PLXDC2: variants seen among roughly 807,000 people sequenced by gnomAD.
PLXDC2 encodes the protein plexin domain containing 2, also known as plexin domain-containing protein 2.
A neutral mutation model predicts 68.9 loss-of-function variants in PLXDC2; 40 were observed. The ratio of observed to expected loss-of-function variants is 0.58; its 90% CI spans 0.45 to 0.76. The LOEUF (loss-of-function observed/expected upper bound fraction) is 0.76, where lower values mean the gene tolerates loss of function less well. PLXDC2 is among the 30% of genes least tolerant of loss of function. The pLI, the probability that PLXDC2 is intolerant of heterozygous loss-of-function variation, is 0.00. For missense variants in PLXDC2, 644 were observed against 661.9 expected (o/e 0.97, Z 0.30); for synonymous variants, 243 against 234.2 (o/e 1.04, Z -0.34).
At position 20,211,746 on chromosome 10, in the gene PLXDC2, G is replaced by T; in HGVS notation, c.1122+17G>T. 5 of 1,611,234 alleles carry T rather than the reference G, an allele frequency of 3.1e-6. No homozygotes were observed. The highest frequency in any genetic ancestry group is 4.2e-6 in the Non-Finnish European group (5 of 1,177,920). On this transcript the variant is annotated intron_variant, in intron 10 of 13. Coordinates refer to ENST00000377252, the MANE Select transcript of PLXDC2 (RefSeq NM_032812.9). Reference sequence around the variant, plus strand: ...CCTGAAGAGGTACACATGCTTTATTGTGACAGAATCCTGGGACCAAGCTGT... The same window carrying T: ...CCTGAAGAGGTACACATGCTTTATTTTGACAGAATCCTGGGACCAAGCTGT...
intron 2 of PLXDC2, among the ~76,000 whole-genome samples, chr10:20,032,353 G>A (rs1835513137): frequency 6.6e-6 from 1 of 152,194 alleles, no homozygotes; most frequent in Admixed American, 6.5e-5. Context: ...TGAAGTTGGA[G>A]AGATGGTTGT....
chr10:20,133,479 T>G (rs1188777439), intron 4 of PLXDC2, among the ~76,000 whole-genome samples: 1 of 152,166 alleles, frequency 6.6e-6, no homozygotes, highest in African/African-American at 2.4e-5. Context: ...GTTATAGTAT[T>G]CTTGGTCATT....
At chr10:20,193,072 G>A (rs1447523965) in intron 9 of PLXDC2, among the ~76,000 whole-genome samples, 20 of 151,904 alleles carry the variant, frequency 1.3e-4, no homozygotes, top group Admixed American at 1.2e-3. Flanking sequence ...AATTATTCTG[G>A]TATTCCTGGA....
chr10:19,867,197 C>A (rs1468380885), intron 1 of PLXDC2, among the ~76,000 whole-genome samples: 1 of 150,788 alleles, frequency 6.6e-6, no homozygotes. Flanking sequence ...TCTTGAGTAT[C>A]TGGGATTATA....
intron 1 of PLXDC2, among the ~76,000 whole-genome samples, chr10:19,902,560 C>T (rs1412915776): frequency 6.6e-6 from 1 of 152,034 alleles, no homozygotes; most frequent in Non-Finnish European, 1.5e-5. Context: ...AATTCGTTTA[C>T]CAGTTCTAGG....
chr10:20,065,845 T>C (rs571254262), intron 3 of PLXDC2, among the ~76,000 whole-genome samples: 1 of 152,324 alleles, frequency 6.6e-6, no homozygotes, highest in East Asian at 1.9e-4. Flanking sequence ...GGAGTGGCTG[T>C]AAATACTGAC....
chr10:19,984,752 T>G (rs1589569953), intron 1 of PLXDC2, among the ~76,000 whole-genome samples: 1 of 152,106 alleles, frequency 6.6e-6, no homozygotes, highest in Non-Finnish European at 1.5e-5. Flanking sequence ...AGTTCTCTGA[T>G]CTAGCTGCCT....
chr10:20,051,354 A>G (rs116377434), intron 3 of PLXDC2, among the ~76,000 whole-genome samples: 202 of 149,268 alleles, frequency 1.4e-3, no homozygotes, highest in African/African-American at 4.8e-3. Context: ...CTCCTGTGTA[A>G]CAAACTTTCA....
chr10:19,898,312 G>A (rs1838097915), intron 1 of PLXDC2, among the ~76,000 whole-genome samples: 1 of 152,168 alleles, frequency 6.6e-6, no homozygotes, highest in Admixed American at 6.5e-5. Flanking sequence ...GTTTAAACTT[G>A]ACATCAAGGA....
chr10:19,923,001 A>G (rs955609713), intron 1 of PLXDC2, among the ~76,000 whole-genome samples: 6 of 152,110 alleles, frequency 3.9e-5, no homozygotes, highest in Non-Finnish European at 5.9e-5. Flanking sequence ...TGATCTATCT[A>G]TCTCTTTATA....
intron 1 of PLXDC2, among the ~76,000 whole-genome samples, chr10:19,973,360 A>G (rs1271820538): frequency 1.2e-5 from 1 of 83,118 alleles, no homozygotes; most frequent in Non-Finnish European, 2.6e-5. Context: ...ACTCACATAT[A>G]TATGTATACA....
intron 1 of PLXDC2, among the ~76,000 whole-genome samples, chr10:19,882,949 T>C (rs1378129476): frequency 6.9e-6 from 1 of 144,788 alleles, no homozygotes; most frequent in Non-Finnish European, 1.5e-5. Flanking sequence ...TTTTTTTTTT[T>C]TTCCTTTCTT....
At chr10:20,105,105 G>T (rs1833474431) in intron 4 of PLXDC2, among the ~76,000 whole-genome samples, 1 of 151,610 alleles carries the variant, frequency 6.6e-6, no homozygotes, top group African/African-American at 2.4e-5. Context: ...TGGACTCTGG[G>T]GAGCACCACC....
intron 3 of PLXDC2, among the ~76,000 whole-genome samples, chr10:20,051,885 C>T (rs1214399148): frequency 6.6e-6 from 1 of 151,944 alleles, no homozygotes; most frequent in African/African-American, 2.4e-5. Context: ...GTCTCTGTCA[C>T]AACTACTTGA....
At chr10:20,262,972 T>G (rs1835828017) in intron 13 of PLXDC2, among the ~76,000 whole-genome samples, 5 of 152,194 alleles carry the variant, frequency 3.3e-5, no homozygotes, top group Admixed American at 2.0e-4. Flanking sequence ...GCTACTGCCT[T>G]TGCAGTGGAA....
chr10:20,090,340 C>T (rs1253607106), intron 4 of PLXDC2, among the ~76,000 whole-genome samples: 1 of 152,102 alleles, frequency 6.6e-6, no homozygotes, highest in African/African-American at 2.4e-5. Context: ...TCACCAGCAA[C>T]ATCTGAAATG....
At chr10:20,243,870 C>G (rs1464750717) in intron 12 of PLXDC2, among the ~76,000 whole-genome samples, 1 of 152,070 alleles carries the variant, frequency 6.6e-6, no homozygotes, top group African/African-American at 2.4e-5. Flanking sequence ...ACCAGACTGG[C>G]CAACATGGTT....
chr10:20,002,943 G>C lies in PLXDC2; in HGVS notation c.324+957G>C, dbSNP rs138517267. Among the ~76,000 whole-genome samples, 122 of 152,268 alleles carry C rather than the reference G, an allele frequency of 8.0e-4. 1 individual carries two copies. Among genetic ancestry groups the C allele is most frequent in the Admixed American group, 2.4e-3 (37 of 15,298 alleles). ...GGCTTCCAGTGTTAAATATGGAACA[G>C]TTCTGGACAAACTGGGATGATTGGT... On this transcript the variant is annotated intron_variant, in intron 2 of 13. Transcript: ENST00000377252.
chr10:20,126,814 T>TTATATATGTATATAG lies in PLXDC2; in HGVS notation c.542-16481_542-16480insTATATATGTATATAG, dbSNP rs1564325370. Among the ~76,000 whole-genome samples the TTATATATGTATATAG allele has an allele frequency of 5.2e-3, 150 of 28,796 alleles. 27 individuals are homozygous for TTATATATGTATATAG. The highest frequency in any genetic ancestry group is 9.4e-3 in the Admixed American group (25 of 2,646). The allele number at this position is 28,796 out of a possible 152,430, so 18.9% of individuals were successfully genotyped here. A position where few individuals can be genotyped will look rare whatever the true frequency, so the allele number is the denominator to read the frequency against. ...AGAACACACGTTATATATGTATATA[T>TTATATATGTATATAG]AACATATATGTGTATATATAATATA... On this transcript the variant is annotated intron_variant, in intron 4 of 13. Transcript: ENST00000377252.
Sources: gnomAD v4.1 joint callset for allele counts (sites outside exome capture counted in the v4.1 genomes callset) on GRCh38, gnomAD v4.1.1 for gene constraint, MANE v1.5 for transcripts, NCBI Gene and HGNC (gene_info 2026-07-23, HGNC 2026-07-21) for gene names.